The following EDARADD variants were observed in gnomAD, a reference collection of about 807,000 sequenced individuals.
EDARADD encodes EDAR associated via death domain.
EDARADD carries 20 observed loss-of-function variants against 25.6 expected under a neutral mutation model. That is an observed-to-expected ratio of 0.78 (90% CI 0.55 to 1.14). The LOEUF is 1.14. Ranked by LOEUF, EDARADD falls within the 50% of genes most tolerant of loss-of-function variation. The pLI, the probability that EDARADD is intolerant of heterozygous loss-of-function variation, is 0.00. For synonymous variants in EDARADD, 86 were observed against 94.4 expected (o/e 0.91, Z 0.52); for missense variants, 225 against 270.1 (o/e 0.83, Z 1.17).
chr1:236,401,631 T>G (rs1009960505), intron 1 of EDARADD, among the ~76,000 whole-genome samples: 1 of 152,086 alleles, frequency 6.6e-6, no homozygotes, highest in Non-Finnish European at 1.5e-5. Flanking sequence ...GATTTAGGAT[T>G]TAGAGTGGAT....
At chr1:236,410,397 G>C (rs777631275) in intron 2 of EDARADD, among the ~76,000 whole-genome samples, 3 of 152,124 alleles carry the variant, frequency 2.0e-5, no homozygotes, top group Non-Finnish European at 2.9e-5. Context: ...GCTTCCAGCT[G>C]CATCCATGTG....
chr1:236,383,611 A>G (rs1667324716), intron 3 of EDARADD, among the ~76,000 whole-genome samples: 1 of 152,214 alleles, frequency 6.6e-6, no homozygotes, highest in Non-Finnish European at 1.5e-5. Flanking sequence ...CAAAGTTGAC[A>G]TGTATCCATT....
intron 4 of EDARADD, among the ~76,000 whole-genome samples, chr1:236,465,505 C>T (rs1659163155): frequency 6.6e-6 from 1 of 152,200 alleles, no homozygotes; most frequent in African/African-American, 2.4e-5. Flanking sequence ...TCAGCAGGGT[C>T]CATCTCAAAC....
rs567059393 is a variant in EDARADD at position 236,427,796 on chromosome 1, T to A, written c.219+346T>A. Among the ~76,000 whole-genome samples, 31 of 152,182 alleles carry A rather than the reference T, an allele frequency of 2.0e-4. No homozygotes were observed. In the East Asian group the frequency reaches 5.2e-3, roughly 26 times the overall value. On this transcript the variant is annotated intron_variant, in intron 4 of 5. Coordinates refer to ENST00000334232, the MANE Select transcript of EDARADD (RefSeq NM_145861.4). The stretch of plus-strand genomic sequence containing the variant: ...TAAGGCACAACAAAACTAGATACTC[T>A]AATATAATACTTGTAATGCTTTATT...
chr1:236,468,390 A>G (rs1659274415), intron 5 of EDARADD, 114 bp downstream of exon 5: 29 of 1,088,692 alleles, frequency 2.7e-5, no homozygotes, highest in Non-Finnish European at 3.8e-5. Context: ...TTGGGAGGCC[A>G]AGGTGGGCGG....
chr1:236,419,446 G>T (rs1657723781), intron 3 of EDARADD, among the ~76,000 whole-genome samples: 1 of 151,580 alleles, frequency 6.6e-6, no homozygotes, highest in Non-Finnish European at 1.5e-5. Context: ...TCTCGTAGTG[G>T]GAAAAAAGCA....
intron 3 of EDARADD, among the ~76,000 whole-genome samples, chr1:236,379,961 C>T (rs960607157): frequency 1.3e-5 from 2 of 152,086 alleles, no homozygotes; most frequent in South Asian, 2.1e-4. Context: ...GGCGTTTCTG[C>T]CACTAAAATT....
At chr1:236,440,720 G>A (rs1020434141) in intron 4 of EDARADD, among the ~76,000 whole-genome samples, 7 of 152,020 alleles carry the variant, frequency 4.6e-5, no homozygotes, top group African/African-American at 1.7e-4. Flanking sequence ...TTGTTATGAT[G>A]ATCTGTGACT....
At position 236,389,123 on chromosome 1, in the gene EDARADD, T is replaced by G. The variant is rs1023350942; in HGVS notation, c.-5-20093T>G. 3.3e-5 allele frequency among the ~76,000 whole-genome samples: 5 copies of G among 152,204 alleles called. No individual in the cohort carries two copies. In the South Asian group the frequency reaches 1.0e-3, roughly 32 times the overall value. ...GAAGCAAGAAATAAATTGCTATGTA[T>G]GAAGGCATTCACTAAAAAAGCAGCT... On this transcript the variant is annotated intron_variant, in intron 3 of 7. Transcript: ENST00000439430.
intron 3 of EDARADD, among the ~76,000 whole-genome samples, chr1:236,370,895 G>A (rs1369074143): frequency 6.6e-6 from 1 of 152,184 alleles, no homozygotes; most frequent in African/African-American, 2.4e-5. Flanking sequence ...TGTTTAAACT[G>A]TAAACTATAA....
intron 1 of EDARADD, among the ~76,000 whole-genome samples, chr1:236,397,842 C>T (rs1164613702): frequency 6.6e-6 from 1 of 152,124 alleles, no homozygotes; most frequent in Non-Finnish European, 1.5e-5. Context: ...TAAACACAGG[C>T]GCACACACAC....
At chr1:236,359,781 A>C (rs601776) in intron 3 of EDARADD, among the ~76,000 whole-genome samples, 52,890 of 152,046 alleles carry the variant, frequency 0.35, 9,502 homozygotes, top group African/African-American at 0.44. Flanking sequence ...AAGACTTGCC[A>C]CCATGATTCA....
At chr1:236,409,134 A>C in intron 1 of EDARADD, 82 bp from the exon 2 acceptor site, 20 of 944,692 alleles carry the variant, frequency 2.1e-5, no homozygotes, top group Non-Finnish European at 2.8e-5. Context: ...GCCTCTGTAT[A>C]GAGACAGTTA....
At chr1:236,458,090 A>G (rs1182010687) in intron 4 of EDARADD, among the ~76,000 whole-genome samples, 1 of 152,184 alleles carries the variant, frequency 6.6e-6, no homozygotes, top group African/African-American at 2.4e-5. Context: ...CAGCTCTCAC[A>G]CATAGTTGAG....
intron 5 of EDARADD, among the ~76,000 whole-genome samples, chr1:236,478,359 A>ATGTGTGTGTGTGTGTGTGTG (rs35531700): frequency 1.4e-5 from 2 of 144,764 alleles, no homozygotes; most frequent in African/African-American, 5.2e-5. Context: ...CCATATATAT[A>ATGTGTGTGTGTGTGTGTGTG]TGTGTGTGTG....
At chr1:236,470,391 C>A (rs998343496) in intron 5 of EDARADD, among the ~76,000 whole-genome samples, 1 of 152,116 alleles carries the variant, frequency 6.6e-6, no homozygotes, top group Non-Finnish European at 1.5e-5. Context: ...TATTTAAACT[C>A]TTTAAAGACT....
At chr1:236,416,046 C>A (rs1657633138) in intron 3 of EDARADD, among the ~76,000 whole-genome samples, 1 of 152,168 alleles carries the variant, frequency 6.6e-6, no homozygotes, top group South Asian at 2.1e-4. Context: ...TCTTCTCCCC[C>A]TACTATTCCA....
intron 1 of EDARADD, among the ~76,000 whole-genome samples, chr1:236,407,765 T>C (rs1667763953): frequency 6.6e-6 from 1 of 152,210 alleles, no homozygotes; most frequent in South Asian, 2.1e-4. Flanking sequence ...GGCAGATGTC[T>C]TATAAAGCAT....
intron 4 of EDARADD, among the ~76,000 whole-genome samples, chr1:236,437,017 C>G (rs775230364): frequency 2.6e-5 from 4 of 152,182 alleles, no homozygotes; most frequent in Non-Finnish European, 5.9e-5. Context: ...CCAGCACTCC[C>G]TTAGGGTCTC....
Sources: allele counts gnomAD v4.1 joint callset (sites outside exome capture counted in the v4.1 genomes callset), GRCh38; gene constraint gnomAD v4.1.1; transcripts MANE v1.5; gene names NCBI Gene and HGNC (gene_info 2026-07-23, HGNC 2026-07-21).